BMP2K: variants seen among roughly 807,000 people sequenced by gnomAD.
The protein encoded by BMP2K is BMP2 inducible kinase.
A neutral mutation model predicts 116.0 loss-of-function variants in BMP2K; 74 were observed. The ratio of observed to expected loss-of-function variants is 0.64; its 90% CI spans 0.53 to 0.77. The LOEUF is 0.77. BMP2K is among the 30% of genes least tolerant of loss of function. BMP2K has a pLI of 0.00. For synonymous variants in BMP2K, 486 were observed against 502.5 expected (o/e 0.97, Z 0.44); for missense variants, 1,365 against 1,403.6 (o/e 0.97, Z 0.44).
intron 14 of BMP2K, among the ~76,000 whole-genome samples, chr4:78,886,757 T>C (rs1733113862): frequency 6.6e-6 from 1 of 152,180 alleles, no homozygotes; most frequent in Admixed American, 6.6e-5. Context: ...TTATTACTAT[T>C]GAGAAGTAAG....
Position 78,914,202 on chromosome 4 carries a change from T to C in BMP2K, c.*2169T>C, listed in dbSNP as rs1257065627. ...AGGATGAACTAATGTCTCCTTCAGA[T>C]GTAAACATGAAATACCTAGAGTTTT... On this transcript the variant is annotated 3_prime_UTR_variant, in exon 16 of 16. Transcript: ENST00000502613. 2.0e-5 allele frequency: 3 copies of C among 152,114 alleles called. No individual in the cohort carries two copies. The highest frequency in any genetic ancestry group is 7.2e-5 in the African/African-American group (3 of 41,450). 9.4% of individuals were successfully genotyped at this position (152,114 alleles called of 1,614,324 possible).
chr4:78,811,941 A>G (rs2109974036), intron 1 of BMP2K, among the ~76,000 whole-genome samples: 1 of 152,052 alleles, frequency 6.6e-6, no homozygotes, highest in South Asian at 2.1e-4. Context: ...GAAGTGGGAA[A>G]TTTCCCACAC....
At chr4:78,857,095 G>A (rs1731541600) in intron 7 of BMP2K, among the ~76,000 whole-genome samples, 6 of 151,956 alleles carry the variant, frequency 3.9e-5, no homozygotes. Flanking sequence ...TTATGACCTG[G>A]TATACACTCC....
At chr4:78,805,371 AGGTTGTTTT>A (rs910534847) in intron 1 of BMP2K, among the ~76,000 whole-genome samples, 1 of 151,962 alleles carries the variant, frequency 6.6e-6, no homozygotes, top group African/African-American at 2.4e-5. Flanking sequence ...GCTTTTTTTC[AGGTTGTTTT>A]GGCTGTTTTG....
At chr4:78,854,834 A>C (rs1321225233) in intron 7 of BMP2K, among the ~76,000 whole-genome samples, 5 of 152,150 alleles carry the variant, frequency 3.3e-5, no homozygotes, top group Admixed American at 6.6e-5. Flanking sequence ...GTACCTCATG[A>C]AAATACCTCA....
intron 1 of BMP2K, among the ~76,000 whole-genome samples, chr4:78,794,057 A>G (rs2109939613): frequency 6.6e-6 from 1 of 152,276 alleles, no homozygotes; most frequent in East Asian, 1.9e-4. Context: ...GAGAGGGCTT[A>G]TGGCTTTCAT....
rs527765219 is a variant in BMP2K, at chr4:78,800,538, A to G, written c.178+23817A>G. Reference sequence around the variant, plus strand: ...GTATAGTTTTAATTCTACTTTAATGAGCCGTATACTGGAATGTAGTTATGT... The same window carrying G: ...GTATAGTTTTAATTCTACTTTAATGGGCCGTATACTGGAATGTAGTTATGT... On this transcript the variant is annotated intron_variant, in intron 1 of 15. Coordinates refer to ENST00000502613, the MANE Select transcript of BMP2K (RefSeq NM_198892.2). 5.3e-5 allele frequency among the ~76,000 whole-genome samples: 8 copies of G among 152,270 alleles called. No homozygotes were observed. The South Asian group carries it at 8.3e-4, about 16-fold the overall frequency.
At chr4:78,823,476 A>G (rs1297079779) in intron 1 of BMP2K, among the ~76,000 whole-genome samples, 3 of 147,568 alleles carry the variant, frequency 2.0e-5, no homozygotes, top group Non-Finnish European at 4.5e-5. Flanking sequence ...TCTCTCTCTC[A>G]TATATATATA....
chr4:78,833,724 T>C (rs1255445525), intron 3 of BMP2K, 37 bp downstream of exon 3: 1 of 1,444,090 alleles, frequency 6.9e-7, no homozygotes, highest in Non-Finnish European at 9.6e-7. Context: ...TAATAAAAAG[T>C]TTCTCCTTAA....
intron 2 of BMP2K, among the ~76,000 whole-genome samples, chr4:78,829,757 TTTC>T (rs201008810): frequency 0.028 from 3,179 of 112,874 alleles, 126 homozygotes; most frequent in African/African-American, 0.14. Context: ...GAAACAATCT[TTTC>T]TTTTCTTTTC....
At chr4:78,833,943 C>T (rs1730331973) in intron 3 of BMP2K, among the ~76,000 whole-genome samples, 1 of 152,144 alleles carries the variant, frequency 6.6e-6, no homozygotes, top group South Asian at 2.1e-4. Flanking sequence ...TAAGCAGGTA[C>T]AGAGTTACAG....
At chr4:78,795,279 A>G (rs2109942115) in intron 1 of BMP2K, among the ~76,000 whole-genome samples, 1 of 152,340 alleles carries the variant, frequency 6.6e-6, no homozygotes, top group East Asian at 1.9e-4. Context: ...ACTTATTAAA[A>G]TTTATTGACA....
At chr4:78,903,344 G>A (rs1033301624) in intron 15 of BMP2K, among the ~76,000 whole-genome samples, 2 of 151,876 alleles carry the variant, frequency 1.3e-5, no homozygotes, top group African/African-American at 2.4e-5. Flanking sequence ...ATGCATAAAT[G>A]TACATAATTA....
intron 1 of BMP2K, among the ~76,000 whole-genome samples, chr4:78,800,515 A>G (rs529900088): frequency 6.6e-6 from 1 of 152,190 alleles, no homozygotes; most frequent in Non-Finnish European, 1.5e-5. Context: ...ACTGTCCTGT[A>G]TAGTTTTAAT....
rs1389818220 is a variant in BMP2K at position 78,915,480 on chromosome 4, T to G, written c.*3447T>G. ...AAACTTTTTTCTCATTTTTTTTTCT[T>G]TTTAGCAAACTTGTTATTTTAGGTC... On this transcript the variant is annotated 3_prime_UTR_variant, in exon 16 of 16. Coordinates refer to ENST00000502613, the MANE Select transcript of BMP2K (RefSeq NM_198892.2). 1 of 151,974 alleles carries G rather than the reference T, an allele frequency of 6.6e-6. No individual in the cohort carries two copies. Among genetic ancestry groups the G allele is most frequent in the Non-Finnish European group, 1.5e-5 (1 of 67,904 alleles). 9.4% of individuals were successfully genotyped at this position (151,974 alleles called of 1,614,324 possible).
intron 15 of BMP2K, among the ~76,000 whole-genome samples, chr4:78,893,145 C>G (rs1733529923): frequency 6.6e-6 from 1 of 152,190 alleles, no homozygotes; most frequent in African/African-American, 2.4e-5. Context: ...ATGTAATATT[C>G]TAAATTCTTG....
intron 14 of BMP2K, among the ~76,000 whole-genome samples, chr4:78,885,585 G>A (rs1306438764): frequency 2.0e-5 from 3 of 152,146 alleles, no homozygotes; most frequent in African/African-American, 7.2e-5. Context: ...TTCTACTTGG[G>A]TTCTGCCTCC....
rs1732378169 is a variant in BMP2K at position 78,871,934 on chromosome 4, C to G, written c.1594C>G (p.Gln532Glu). Residue 532 changes from glutamine to glutamate, a missense_variant, in exon 12 of 16, where the codon CAG becomes GAG. Physicochemically the swap from Gln to Glu is conservative, Grantham distance 29 (BLOSUM62 2). This residue lies in a region of BMP2K where 762 missense variants were observed against 756.7 expected (regional missense o/e 1.01). Coordinates refer to ENST00000502613, the MANE Select transcript of BMP2K (RefSeq NM_198892.2). The part of the protein sequence containing the change: ...SVYQPQPSAS[Q>E]YPTMMPQYQQ... Reference sequence around the variant, plus strand: ...ATATCAACCACAACCTTCTGCATCACAGTATCCTACAATGGTAACTTAAAT... The same window carrying G: ...ATATCAACCACAACCTTCTGCATCAGAGTATCCTACAATGGTAACTTAAAT... The G allele has an allele frequency of 6.2e-7, 1 of 1,605,630 alleles. No individual in the cohort carries two copies. The highest frequency in any genetic ancestry group is 8.5e-7 in the Non-Finnish European group (1 of 1,174,402).
intron 3 of BMP2K, among the ~76,000 whole-genome samples, chr4:78,836,249 C>G (rs1730470959): frequency 6.6e-6 from 1 of 151,968 alleles, no homozygotes; most frequent in Admixed American, 6.6e-5. Flanking sequence ...AACCCCTTCT[C>G]TACTAAAAAT....
Sources: gnomAD v4.1 joint callset for allele counts (sites outside exome capture counted in the v4.1 genomes callset) on GRCh38, gnomAD v4.1.1 for gene constraint, gnomAD v4.1.1 regional missense constraint, MANE v1.5 for transcripts, NCBI Gene and HGNC (gene_info 2026-07-23, HGNC 2026-07-21) for gene names.